The following FBXO42 variants were observed in gnomAD, a reference collection of about 807,000 sequenced individuals.
The protein encoded by FBXO42 is F-box protein 42.
FBXO42 carries 12 observed loss-of-function variants against 71.7 expected under a neutral mutation model. That is an observed-to-expected ratio of 0.17 (90% CI 0.11 to 0.27). The LOEUF (loss-of-function observed/expected upper bound fraction) is 0.27. Among genes scored for constraint, FBXO42 ranks in the 10% least tolerant of loss-of-function variants. The probability of loss-of-function intolerance (pLI) is 1.00; values close to 1 mark genes in which losing one functional copy is unlikely to be tolerated. For missense variants in FBXO42, 707 were observed against 911.9 expected (o/e 0.78, Z 2.89); for synonymous variants, 325 against 327.5 (o/e 0.99, Z 0.08).
At chr1:16,274,588 GTTTT>G (rs533547281) in intron 4 of FBXO42, among the ~76,000 whole-genome samples, 2 of 53,504 alleles carry the variant, frequency 3.7e-5, no homozygotes, top group East Asian at 7.8e-4. Context: ...TTATGCCCCC[GTTTT>G]TTTTTTTTTT....
intron 1 of FBXO42, among the ~76,000 whole-genome samples, chr1:16,347,784 T>G (rs1178556208): frequency 6.6e-6 from 1 of 151,962 alleles, no homozygotes; most frequent in Non-Finnish European, 1.5e-5. Context: ...GGTCTGGAAA[T>G]CGAGACAATC....
intron 4 of FBXO42, among the ~76,000 whole-genome samples, chr1:16,284,672 A>G (rs1039208502): frequency 6.6e-5 from 10 of 152,180 alleles, no homozygotes; most frequent in African/African-American, 2.4e-4. Context: ...TCTACTAAAA[A>G]TACAAAAAAA....
intron 1 of FBXO42, among the ~76,000 whole-genome samples, chr1:16,341,164 A>C (rs977151986): frequency 6.6e-6 from 1 of 152,196 alleles, no homozygotes; most frequent in African/African-American, 2.4e-5. Flanking sequence ...TGCATAAGAG[A>C]AAAAAAGAAT....
intron 4 of FBXO42, among the ~76,000 whole-genome samples, chr1:16,282,864 C>T (rs1434943721): frequency 6.6e-6 from 1 of 151,948 alleles, no homozygotes; most frequent in African/African-American, 2.4e-5. Flanking sequence ...GCCTGTAATC[C>T]CAGCTACTCA....
At chr1:16,290,503 C>G (rs1198955231) in intron 4 of FBXO42, among the ~76,000 whole-genome samples, 1 of 152,030 alleles carries the variant, frequency 6.6e-6, no homozygotes, top group East Asian at 1.9e-4. Flanking sequence ...ACCAGCCTGG[C>G]CAACATGGTG....
At chr1:16,317,377 C>T (rs1015698677) in intron 1 of FBXO42, among the ~76,000 whole-genome samples, 3 of 151,844 alleles carry the variant, frequency 2.0e-5, no homozygotes, top group African/African-American at 2.4e-5. Flanking sequence ...GAGATCACTC[C>T]GCACTCCAGC....
At chr1:16,282,980 CA>C (rs57691487) in intron 4 of FBXO42, among the ~76,000 whole-genome samples, 5,944 of 98,292 alleles carry the variant, frequency 0.06, 282 homozygotes, top group African/African-American at 0.17. Context: ...GACTCCGTCT[CA>C]AAAAAAAAAA....
chr1:16,263,639 C>T lies in FBXO42; in HGVS notation c.503-6880G>A, dbSNP rs183826644. 4.6e-3 allele frequency among the ~76,000 whole-genome samples: 699 copies of T among 150,772 alleles called. 5 individuals carry two copies. Among genetic ancestry groups the T allele is most frequent in the Middle Eastern group, 0.031 (9 of 294 alleles). On this transcript the variant is annotated intron_variant, in intron 4 of 9. Coordinates refer to ENST00000375592, the MANE Select transcript of FBXO42 (RefSeq NM_018994.3). Reference sequence around the variant, plus strand: ...TTGTGAGGCTGAGGCAGGAGAAACGCTTGAACCCGGGAGGCAGAGGTTGCA... The same window carrying T: ...TTGTGAGGCTGAGGCAGGAGAAACGTTTGAACCCGGGAGGCAGAGGTTGCA...
intron 4 of FBXO42, among the ~76,000 whole-genome samples, chr1:16,265,356 G>C (rs1312851359): frequency 6.6e-6 from 1 of 152,148 alleles, no homozygotes; most frequent in African/African-American, 2.4e-5. Context: ...CCCCCAAAGT[G>C]CTGGGATTAC....
intron 1 of FBXO42, among the ~76,000 whole-genome samples, chr1:16,350,762 AAAG>A (rs1417163247): frequency 3.6e-4 from 49 of 134,612 alleles, no homozygotes; most frequent in Non-Finnish European, 5.8e-4. Flanking sequence ...AAAAAAAAAG[AAAG>A]AAAGAAAGAA....
intron 1 of FBXO42, among the ~76,000 whole-genome samples, chr1:16,339,679 T>TG (rs111400054): frequency 0.33 from 50,839 of 152,118 alleles, 8,955 homozygotes; most frequent in African/African-American, 0.4. Flanking sequence ...CTTGCACAGC[T>TG]GAACAGATTA....
At chr1:16,291,441 C>T (rs945336158) in intron 4 of FBXO42, among the ~76,000 whole-genome samples, 10 of 151,776 alleles carry the variant, frequency 6.6e-5, no homozygotes, top group Admixed American at 2.0e-4. Context: ...GGTGCTGTGG[C>T]GCAATCTTGG....
intron 4 of FBXO42, among the ~76,000 whole-genome samples, chr1:16,287,267 A>G (rs1205060283): frequency 6.6e-6 from 1 of 152,144 alleles, no homozygotes; most frequent in Non-Finnish European, 1.5e-5. Context: ...AGATACCCAC[A>G]TGGCTCACTT....
chr1:16,342,941 G>C (rs2082620734), intron 1 of FBXO42, among the ~76,000 whole-genome samples: 1 of 152,034 alleles, frequency 6.6e-6, no homozygotes, highest in African/African-American at 2.4e-5. Context: ...CTTCCCCTTT[G>C]ACCTTTCCTG....
intron 4 of FBXO42, among the ~76,000 whole-genome samples, chr1:16,285,915 T>A (rs1396270067): frequency 2.6e-5 from 4 of 152,152 alleles, no homozygotes; most frequent in Non-Finnish European, 5.9e-5. Flanking sequence ...TCACCCAGAC[T>A]GCAGTGCAGT....
intron 1 of FBXO42, among the ~76,000 whole-genome samples, chr1:16,337,905 A>AAAAAAAAAAC (rs2082566713): frequency 6.9e-6 from 1 of 145,064 alleles, no homozygotes. Context: ...AAAAAAAAAA[A>AAAAAAAAAAC]AAAAAAAAAA....
At chr1:16,310,720 C>T (rs1446797784) in intron 2 of FBXO42, among the ~76,000 whole-genome samples, 9 of 152,148 alleles carry the variant, frequency 5.9e-5, no homozygotes, top group East Asian at 1.9e-4. Flanking sequence ...TAGGGCCAGG[C>T]GCGGTGGCTC....
intron 4 of FBXO42, among the ~76,000 whole-genome samples, chr1:16,261,277 G>A (rs1194820001): frequency 2.6e-5 from 4 of 152,078 alleles, no homozygotes; most frequent in Non-Finnish European, 2.9e-5. Flanking sequence ...CTTATTCTCC[G>A]AACTCTCCAA....
intron 4 of FBXO42, among the ~76,000 whole-genome samples, chr1:16,260,417 C>T (rs1227830134): frequency 6.6e-6 from 1 of 152,120 alleles, no homozygotes; most frequent in Non-Finnish European, 1.5e-5. Context: ...CCATGTTGCC[C>T]AGGCTGGTCT....
Sources: allele counts gnomAD v4.1 joint callset (sites outside exome capture counted in the v4.1 genomes callset), GRCh38; gene constraint gnomAD v4.1.1; transcripts MANE v1.5; gene names NCBI Gene and HGNC (gene_info 2026-07-23, HGNC 2026-07-21).